PHACTR1: variants seen among roughly 807,000 people sequenced by gnomAD.
PHACTR1 encodes phosphatase and actin regulator 1, also known as RPEL repeat containing 1.
A neutral mutation model predicts 69.2 loss-of-function variants in PHACTR1; 16 were observed. The ratio of observed to expected loss-of-function variants is 0.23; its 90% CI spans 0.16 to 0.35. The LOEUF (loss-of-function observed/expected upper bound fraction) is 0.35, where lower values mean the gene tolerates loss of function less well. PHACTR1 is among the 10% of genes least tolerant of loss of function. The pLI, the probability that PHACTR1 is intolerant of heterozygous loss-of-function variation, is 1.00. For synonymous variants in PHACTR1, 312 were observed against 284.5 expected, an observed-to-expected ratio of 1.10 and a Z score of -0.97; for missense variants, 510 against 734.7, an observed-to-expected ratio of 0.69 and a Z score of 3.54.
chr6:13,038,355 T>C (rs1159967096), intron 4 of PHACTR1, among the ~76,000 whole-genome samples: 1 of 152,004 alleles, frequency 6.6e-6, no homozygotes, highest in Non-Finnish European at 1.5e-5. Context: ...TGAAATGGTC[T>C]AGGGAGAACT....
At chr6:13,230,499 T>TC in intron 10 of PHACTR1, 1 of 301,696 alleles carries the variant, frequency 3.3e-6, no homozygotes, top group South Asian at 2.6e-5. Context: ...TGAGCCGAGA[T>TC]CACACCATTG....
chr6:12,889,182 G>A (rs556735198), intron 4 of PHACTR1, among the ~76,000 whole-genome samples: 40 of 152,298 alleles, frequency 2.6e-4, no homozygotes, highest in African/African-American at 9.1e-4. Context: ...TGAGGCAGGA[G>A]GATGGTTTCA....
rs75282462 is a variant in PHACTR1, at chr6:12,868,781, G to A, written c.250+118991G>A. Among the ~76,000 whole-genome samples, 642 of 152,078 alleles carry A rather than the reference G, an allele frequency of 4.2e-3. 11 individuals carry two copies. The East Asian group carries it at 0.043, about 10-fold the overall frequency. On this transcript the variant is annotated intron_variant, in intron 4 of 14. Transcript: ENST00000332995. The stretch of plus-strand genomic sequence containing the variant: ...AAAACTTAAGGGCAGTTTAAAACAT[G>A]ACCAGGACCTAGACCCCAGGCAGGC...
At chr6:13,159,344 G>A (rs1042980331) in intron 5 of PHACTR1, among the ~76,000 whole-genome samples, 3 of 152,132 alleles carry the variant, frequency 2.0e-5, no homozygotes, top group Admixed American at 6.5e-5. Flanking sequence ...CCGGACCTTG[G>A]GAGGCCACAC....
intron 4 of PHACTR1, among the ~76,000 whole-genome samples, chr6:12,866,710 T>C (rs1054015400): frequency 6.6e-6 from 1 of 152,178 alleles, no homozygotes; most frequent in Non-Finnish European, 1.5e-5. Flanking sequence ...CCTCTGCAAA[T>C]AAAATATTAT....
In PHACTR1 at chr6:12,905,156, A is replaced by G. The variant is rs1023192877; in HGVS notation, c.251-148209A>G. On this transcript the variant is annotated intron_variant, in intron 4 of 14. Transcript: ENST00000332995. ...TGGCTTAAATGGGGACAAGATAGCT[A>G]TAGATTTTTAAAGTTTCTCCAGGGG... Among the ~76,000 whole-genome samples, 4 of 152,148 alleles carry G rather than the reference A, an allele frequency of 2.6e-5. No individual in the cohort carries two copies. In the East Asian group the frequency reaches 5.8e-4, roughly 22 times the overall value.
chr6:12,791,524 C>T (rs1561885842), intron 4 of PHACTR1, among the ~76,000 whole-genome samples: 2 of 152,208 alleles, frequency 1.3e-5, no homozygotes, highest in Admixed American at 6.5e-5. Context: ...GAGATGCACA[C>T]TCACTAACCC....
intron 10 of PHACTR1, chr6:13,267,457 A>G (rs79948483): frequency 7.1e-6 from 1 of 140,726 alleles, no homozygotes; most frequent in Non-Finnish European, 1.6e-5. Context: ...AGTGAGCCCC[A>G]CTTCCATGTG....
In PHACTR1 at chr6:13,287,523, T is replaced by C. The variant is rs746428314; in HGVS notation, c.*445T>C. 1.1e-4 allele frequency: 18 copies of C among 166,736 alleles called. No homozygotes were observed. Among genetic ancestry groups the C allele is most frequent in the Non-Finnish European group, 1.7e-4 (13 of 77,166 alleles). 10.3% of individuals were successfully genotyped at this position (166,736 alleles called of 1,614,324 possible). A position where few individuals can be genotyped will look rare whatever the true frequency, so the allele number is the denominator to read the frequency against. On this transcript the variant is annotated 3_prime_UTR_variant, in exon 15 of 15. Transcript: ENST00000332995. ...GTACTGTGCAAAGCTAATGATCTGG[T>C]TGGACTTCTACACTTGGCCAAATGT... is the stretch of plus-strand genomic sequence containing the variant.
chr6:13,259,858 T>C (rs543871226), intron 10 of PHACTR1, among the ~76,000 whole-genome samples: 4 of 152,200 alleles, frequency 2.6e-5, no homozygotes, highest in Non-Finnish European at 5.9e-5. Context: ...AAATCATTGA[T>C]GGAAATGCCT....
At chr6:12,776,308 C>A (rs1205071502) in intron 4 of PHACTR1, among the ~76,000 whole-genome samples, 1 of 152,182 alleles carries the variant, frequency 6.6e-6, no homozygotes, top group Non-Finnish European at 1.5e-5. Flanking sequence ...CTCCTCATTA[C>A]CGTTTACAAT....
intron 13 of PHACTR1, among the ~76,000 whole-genome samples, chr6:13,284,546 ATATATATAT>A (rs1781153966): frequency 1.4e-5 from 1 of 69,722 alleles, no homozygotes; most frequent in Non-Finnish European, 2.6e-5. Flanking sequence ...AAAAAAAAAT[ATATATATAT>A]ATATATATAT....
rs1047244375 is a variant in PHACTR1, at chr6:12,915,521, G to GA, written c.251-137830dup. Among the ~76,000 whole-genome samples the GA allele has an allele frequency of 7.0e-3, 839 of 120,220 alleles. 9 individuals are homozygous for GA. Among genetic ancestry groups the GA allele is most frequent in the African/African-American group, 0.021 (636 of 30,876 alleles). 78.9% of individuals were successfully genotyped at this position (120,220 alleles called of 152,430 possible). A position where few individuals can be genotyped will look rare whatever the true frequency, so the allele number is the denominator to read the frequency against. Reference sequence around the variant, plus strand: ...AACTCTCTCTCAAAAAAAAAAAAAAGAAAAAAAAAAAAAACAGGAGGAGAA... The same window carrying GA: ...AACTCTCTCTCAAAAAAAAAAAAAAGAAAAAAAAAAAAAAACAGGAGGAGAA... On this transcript the variant is annotated intron_variant, in intron 4 of 14. Transcript: ENST00000332995.
intron 7 of PHACTR1, 57 bp from the exon 8 acceptor site, chr6:13,205,758 G>A: frequency 2.0e-6 from 3 of 1,490,326 alleles, no homozygotes; most frequent in Non-Finnish European, 2.7e-6. Flanking sequence ...CTGGTGTTCT[G>A]AGTTTCTTCT....
chr6:12,956,843 C>T (rs980841225), intron 4 of PHACTR1, among the ~76,000 whole-genome samples: 5 of 152,116 alleles, frequency 3.3e-5, no homozygotes, highest in African/African-American at 1.2e-4. Flanking sequence ...AGCGCCTTAT[C>T]CCACCTACAG....
intron 5 of PHACTR1, among the ~76,000 whole-genome samples, chr6:13,064,093 C>T (rs1157591120): frequency 6.6e-6 from 1 of 152,034 alleles, no homozygotes; most frequent in Non-Finnish European, 1.5e-5. Context: ...AAGATGATAC[C>T]TCATTCCTAT....
At chr6:12,731,976 C>CTT (rs70987093) in intron 3 of PHACTR1, among the ~76,000 whole-genome samples, 1 of 141,914 alleles carries the variant, frequency 7.0e-6, no homozygotes. Flanking sequence ...AAAGTTTTAC[C>CTT]TTTTTTTTTT....
intron 4 of PHACTR1, among the ~76,000 whole-genome samples, chr6:12,852,684 G>A (rs1779950130): frequency 6.6e-6 from 1 of 152,156 alleles, no homozygotes; most frequent in Non-Finnish European, 1.5e-5. Flanking sequence ...AGCTTTCTGT[G>A]ATATATGCTT....
At chr6:13,007,441 T>C (rs185455962) in intron 4 of PHACTR1, among the ~76,000 whole-genome samples, 1 of 152,274 alleles carries the variant, frequency 6.6e-6, no homozygotes, top group African/African-American at 2.4e-5. Context: ...CTCTACCTAA[T>C]CTGTCCCCTA....
Sources: allele counts gnomAD v4.1 joint callset (sites outside exome capture counted in the v4.1 genomes callset), GRCh38; gene constraint gnomAD v4.1.1; transcripts MANE v1.5; gene names NCBI Gene and HGNC (gene_info 2026-07-23, HGNC 2026-07-21).